The following MAPRE1 variants were observed in gnomAD, a reference collection of about 807,000 sequenced individuals.
MAPRE1 encodes microtubule-associated protein RP/EB family member 1.
A neutral mutation model predicts 32.1 loss-of-function variants in MAPRE1; 5 were observed. The ratio of observed to expected loss-of-function variants is 0.16; its 90% CI spans 0.08 to 0.33. MAPRE1 has a LOEUF of 0.33. MAPRE1 is among the 10% of genes least tolerant of loss of function. The pLI is 1.00. For synonymous variants in MAPRE1, 122 were observed against 118.9 expected, an observed-to-expected ratio of 1.03 and a Z score of -0.17; for missense variants, 209 against 327.2, an observed-to-expected ratio of 0.64 and a Z score of 2.79.
intron 2 of MAPRE1, among the ~76,000 whole-genome samples, chr20:32,832,880 G>A (rs1983077689): frequency 7.1e-6 from 1 of 140,536 alleles, no homozygotes; most frequent in South Asian, 2.3e-4. Context: ...GGAAGTAGAG[G>A]TTGCGGTGAG....
At chr20:32,832,444 C>A (rs1601164193) in intron 2 of MAPRE1, among the ~76,000 whole-genome samples, 1 of 147,346 alleles carries the variant, frequency 6.8e-6, no homozygotes. Context: ...TGAAATATTG[C>A]AATAATTTAT....
chr20:32,829,566 A>G (rs1326387830), intron 2 of MAPRE1, among the ~76,000 whole-genome samples: 1 of 152,170 alleles, frequency 6.6e-6, no homozygotes, highest in Non-Finnish European at 1.5e-5. Flanking sequence ...GGAGCTTTTG[A>G]TGCTGGTGCC....
Position 32,849,174 on chromosome 20 carries a change from A to G in MAPRE1, c.*446A>G, listed in dbSNP as rs1983583944. On this transcript the variant is annotated 3_prime_UTR_variant, in exon 7 of 7. Coordinates refer to ENST00000375571, the MANE Select transcript of MAPRE1 (RefSeq NM_012325.3). ...TCCACATTTCAAAATATAAAATGTAACATGACAAGAGATTTTGCGTTTGAC... is the reference window on the plus strand; with the variant it reads ...TCCACATTTCAAAATATAAAATGTAGCATGACAAGAGATTTTGCGTTTGAC... 6.5e-6 allele frequency: 1 copy of G among 153,560 alleles called. No individual in the cohort carries two copies. Among genetic ancestry groups the G allele is most frequent in the African/African-American group, 2.4e-5 (1 of 41,462 alleles). The allele number at this position is 153,560 out of a possible 1,614,324, so 9.5% of individuals were successfully genotyped here. A position where few individuals can be genotyped will look rare whatever the true frequency, so the allele number is the denominator to read the frequency against.
intron 3 of MAPRE1, among the ~76,000 whole-genome samples, chr20:32,834,602 G>A (rs1209008197): frequency 6.6e-6 from 1 of 151,412 alleles, no homozygotes; most frequent in South Asian, 2.1e-4. Flanking sequence ...CTGGTGTCTG[G>A]TTTTTATTTA....
intron 5 of MAPRE1, among the ~76,000 whole-genome samples, chr20:32,844,395 A>G (rs1409313243): frequency 1.4e-5 from 2 of 141,276 alleles, no homozygotes. Context: ...AGAGGGTAGC[A>G]TTAGTGAAAC....
chr20:32,823,562 A>G (rs2146119981), intron 1 of MAPRE1, among the ~76,000 whole-genome samples: 1 of 152,272 alleles, frequency 6.6e-6, no homozygotes, highest in African/African-American at 2.4e-5. Flanking sequence ...CTCTACTAGT[A>G]GTCAATGTGA....
rs762615655 is a variant in MAPRE1 at position 32,833,876 on chromosome 20, A to G, written c.267+14A>G. Reference sequence around the variant, plus strand: ...GGTGTTGACAAAGTAAGTAAACGTTATCTTTTATTGTGGTTAATGTTCCTT... The same window carrying G: ...GGTGTTGACAAAGTAAGTAAACGTTGTCTTTTATTGTGGTTAATGTTCCTT... On this transcript the variant is annotated intron_variant, in intron 3 of 6. Coordinates refer to ENST00000375571, the MANE Select transcript of MAPRE1 (RefSeq NM_012325.3). The G allele has an allele frequency of 1.2e-6, 2 of 1,609,850 alleles. No individual in the cohort carries two copies. The highest frequency in any genetic ancestry group is 1.1e-5 in the South Asian group (1 of 90,664).
At chr20:32,841,485 CT>C (rs924575483) in intron 5 of MAPRE1, among the ~76,000 whole-genome samples, 2 of 150,126 alleles carry the variant, frequency 1.3e-5, no homozygotes, top group African/African-American at 2.5e-5. Flanking sequence ...TATTATTATA[CT>C]TTAAGTTTTA....
chr20:32,825,820 T>G, intron 1 of MAPRE1, 105 bp from the exon 2 acceptor site: 2 of 771,604 alleles, frequency 2.6e-6, no homozygotes, highest in Non-Finnish European at 3.9e-6. Flanking sequence ...AAAATAAAAT[T>G]GAGTGTTCCT....
chr20:32,820,233 C>A (rs1374275875), intron 1 of MAPRE1, among the ~76,000 whole-genome samples: 2 of 53,258 alleles, frequency 3.8e-5, no homozygotes, highest in East Asian at 2.1e-3. Flanking sequence ...GCTCAGGGGG[C>A]GGGGTCTCGG....
intron 4 of MAPRE1, among the ~76,000 whole-genome samples, chr20:32,837,400 A>G (rs1983230969): frequency 6.6e-6 from 1 of 152,150 alleles, no homozygotes; most frequent in East Asian, 1.9e-4. Context: ...CCATGGTGCT[A>G]GCAGAGTCAG....
chr20:32,848,324 C>T (rs1056745889), intron 6 of MAPRE1, among the ~76,000 whole-genome samples: 2 of 152,258 alleles, frequency 1.3e-5, no homozygotes, highest in Non-Finnish European at 2.9e-5. Flanking sequence ...TGAGCCATCA[C>T]ACCTGGCCTT....
At chr20:32,839,897 A>T in intron 5 of MAPRE1, 41 bp downstream of exon 5, 2 of 1,610,914 alleles carry the variant, frequency 1.2e-6, no homozygotes, top group Admixed American at 3.4e-5. Context: ...ACCTCGGGGG[A>T]TAGGATCCTT....
In MAPRE1 at chr20:32,844,783, G is replaced by A. The variant is rs947260147; in HGVS notation, c.598-1835G>A. ...ATTAATGCCACCAGGCATGTGATTA[G>A]AAGGCCCCTTCCCTGCCTTTTGGAT... On this transcript the variant is annotated intron_variant, in intron 5 of 6. Coordinates refer to ENST00000375571, the MANE Select transcript of MAPRE1 (RefSeq NM_012325.3). Among the ~76,000 whole-genome samples the A allele has an allele frequency of 1.6e-4, 25 of 152,266 alleles. 1 individual carries two copies. The highest frequency in any genetic ancestry group is 1.2e-3 in the Admixed American group (18 of 15,294).
chr20:32,846,407 G>A (rs1983506159), intron 5 of MAPRE1, among the ~76,000 whole-genome samples: 1 of 152,152 alleles, frequency 6.6e-6, no homozygotes, highest in Admixed American at 6.5e-5. Flanking sequence ...GGGGTAGTCT[G>A]CTCTTTCTGG....
At chr20:32,844,044 G>C (rs1680263737) in intron 5 of MAPRE1, among the ~76,000 whole-genome samples, 2 of 152,068 alleles carry the variant, frequency 1.3e-5, no homozygotes. Flanking sequence ...AGTAGAGACA[G>C]GGTTTCACCA....
intron 1 of MAPRE1, among the ~76,000 whole-genome samples, chr20:32,822,430 T>G (rs958934143): frequency 6.6e-6 from 1 of 152,162 alleles, no homozygotes; most frequent in African/African-American, 2.4e-5. Context: ...AAGAACAGAT[T>G]GACACAGACA....
chr20:32,850,368 T>C lies in MAPRE1; in HGVS notation c.*1640T>C, dbSNP rs566700577. On this transcript the variant is annotated 3_prime_UTR_variant, in exon 7 of 7. Coordinates refer to ENST00000375571, the MANE Select transcript of MAPRE1 (RefSeq NM_012325.3). ...TTCTTGACAGGGTTTTTTTCTACTT[T>C]AAACAGTTTCTAAATAAAATTCTGT... The C allele has an allele frequency of 5.7e-4, 87 of 152,718 alleles. No individual in the cohort carries two copies. Among genetic ancestry groups the C allele is most frequent in the African/African-American group, 2.0e-3 (83 of 41,560 alleles). 9.5% of individuals were successfully genotyped at this position (152,718 alleles called of 1,614,324 possible).
intron 1 of MAPRE1, among the ~76,000 whole-genome samples, chr20:32,822,469 G>A (rs977453204): frequency 2.0e-5 from 3 of 152,166 alleles, no homozygotes; most frequent in Non-Finnish European, 4.4e-5. Flanking sequence ...GTGCATCTCC[G>A]TGCAAGATGG....
Sources: gnomAD v4.1 joint callset for allele counts (sites outside exome capture counted in the v4.1 genomes callset) on GRCh38, gnomAD v4.1.1 for gene constraint, MANE v1.5 for transcripts, NCBI Gene and HGNC (gene_info 2026-07-23, HGNC 2026-07-21) for gene names.